The following RSBN1L variants were observed in gnomAD, a reference collection of about 807,000 sequenced individuals.
RSBN1L encodes lysine-specific demethylase RSBN1L.
RSBN1L carries 30 observed loss-of-function variants against 67.7 expected under a neutral mutation model. The observed-to-expected ratio is 0.44, with a 90% CI of 0.33 to 0.60. The LOEUF (loss-of-function observed/expected upper bound fraction) is 0.60. Among genes scored for constraint, RSBN1L ranks in the 20% least tolerant of loss-of-function variants. The pLI is 0.02. For synonymous variants in RSBN1L, 433 were observed against 387.0 expected (o/e 1.12, Z -1.39); for missense variants, 992 against 1,031.7 (o/e 0.96, Z 0.53).
At chr7:77,757,921 C>T (rs536268040) in intron 3 of RSBN1L, among the ~76,000 whole-genome samples, 1 of 152,114 alleles carries the variant, frequency 6.6e-6, no homozygotes, top group East Asian at 1.9e-4. Flanking sequence ...AACCCAGATT[C>T]GTGTGGAAAA....
At position 77,727,751 on chromosome 7, in the gene RSBN1L, C is replaced by G. The variant is rs1791225945; in HGVS notation, c.587-8659C>G. 3.9e-5 allele frequency among the ~76,000 whole-genome samples: 6 copies of G among 152,196 alleles called. No individual in the cohort carries two copies. The South Asian group carries it at 8.3e-4, about 21-fold the overall frequency. Reference sequence around the variant, plus strand: ...AGAGTGTTTGGATTACAGGTGTAAGCCGCTGAGCCTGGCCAGAATGACCAC... The same window carrying G: ...AGAGTGTTTGGATTACAGGTGTAAGGCGCTGAGCCTGGCCAGAATGACCAC... On this transcript the variant is annotated intron_variant, in intron 1 of 7. Transcript: ENST00000334955.
In RSBN1L at chr7:77,747,331, A is replaced by C. The variant is rs1277562296; in HGVS notation, c.704-2093A>C. Among the ~76,000 whole-genome samples the C allele has an allele frequency of 2.0e-5, 3 of 152,202 alleles. No individual in the cohort carries two copies. In the East Asian group the frequency reaches 5.8e-4, roughly 29 times the overall value. The stretch of plus-strand genomic sequence containing the variant: ...CTGCTAATAGACTAGACAATGGGGG[A>C]AAGTCCTAGAAGGCATTTCAGAGAA... On this transcript the variant is annotated intron_variant, in intron 2 of 7. Transcript: ENST00000334955.
In RSBN1L at chr7:77,781,972, C is replaced by CTAAA. The variant is rs1792005468; in HGVS notation, c.*2804_*2805insTAAA. 1 of 78,058 alleles carries CTAAA rather than the reference C, an allele frequency of 1.3e-5. No individual in the cohort carries two copies. Among genetic ancestry groups the CTAAA allele is most frequent in the Non-Finnish European group, 2.5e-5 (1 of 40,756 alleles). The allele number at this position is 78,058 out of a possible 1,614,324, so 4.8% of individuals were successfully genotyped here. ...TGCCCTCCAGCCTGGGCGACAGTCT[C>CTAAA]AAAAAAAAAAAAAAAAAAAAGCATA... On this transcript the variant is annotated 3_prime_UTR_variant, in exon 8 of 8. Coordinates refer to ENST00000334955, the MANE Select transcript of RSBN1L (RefSeq NM_198467.3).
intron 1 of RSBN1L, among the ~76,000 whole-genome samples, chr7:77,704,111 C>T (rs758075687): frequency 2.3e-4 from 35 of 152,146 alleles, no homozygotes; most frequent in Admixed American, 4.6e-4. Context: ...TCATACCTAA[C>T]GCATTGGAGA....
rs1263729304 is a variant in RSBN1L, at chr7:77,782,716, A to T, written c.*3548A>T. On this transcript the variant is annotated 3_prime_UTR_variant, in exon 8 of 8. Coordinates refer to ENST00000334955, the MANE Select transcript of RSBN1L (RefSeq NM_198467.3). ...TTAATGCATTCTGTAACTTTTCTCG[A>T]GTGGTGGTCATTGAGGGTAGGGAAG... 6.6e-6 allele frequency: 1 copy of T among 151,876 alleles called. No homozygotes were observed. Among genetic ancestry groups the T allele is most frequent in the Non-Finnish European group, 1.5e-5 (1 of 67,932 alleles). 9.4% of individuals were successfully genotyped at this position (151,876 alleles called of 1,614,324 possible). A position where few individuals can be genotyped will look rare whatever the true frequency, so the allele number is the denominator to read the frequency against.
intron 1 of RSBN1L, among the ~76,000 whole-genome samples, chr7:77,713,949 C>T (rs907752647): frequency 7.9e-5 from 12 of 152,144 alleles, no homozygotes; most frequent in African/African-American, 2.9e-4. Flanking sequence ...AATTAGGAAT[C>T]CAAATTAATT....
chr7:77,769,864 C>A (rs1441150047), intron 5 of RSBN1L, among the ~76,000 whole-genome samples: 1 of 152,088 alleles, frequency 6.6e-6, no homozygotes, highest in Non-Finnish European at 1.5e-5. Context: ...ATATTGTTGA[C>A]TGGAGGATGA....
rs1374077868 is a variant in RSBN1L, at chr7:77,768,704, G to A, written c.1526G>A (p.Ser509Asn). ...ACGCTATCTAGTCTAAAATTACAGA[G>A]TCGAAAAGATAGTGATGATGGTCCC... ...WGTLSSLKLQ[S>N]RKDSDDGPIM... The change falls in exon 5 of 8, where the codon AGT (serine) becomes AAT (asparagine). Residue 509 changes from serine to asparagine, a missense_variant. Coordinates refer to ENST00000334955, the MANE Select transcript of RSBN1L (RefSeq NM_198467.3). 4 of 1,613,710 alleles carry A rather than the reference G, an allele frequency of 2.5e-6. No individual in the cohort carries two copies. Among genetic ancestry groups the A allele is most frequent in the Admixed American group, 1.7e-5 (1 of 59,992 alleles).
chr7:77,722,621 A>G (rs781608330), intron 1 of RSBN1L, among the ~76,000 whole-genome samples: 1 of 151,680 alleles, frequency 6.6e-6, no homozygotes, highest in Non-Finnish European at 1.5e-5. Flanking sequence ...TTCAATTTTT[A>G]TTTTAGTGTA....
intron 1 of RSBN1L, among the ~76,000 whole-genome samples, chr7:77,712,702 A>T (rs1790991655): frequency 6.6e-6 from 1 of 152,166 alleles, no homozygotes; most frequent in Admixed American, 6.6e-5. Flanking sequence ...TATCAATTTT[A>T]ATTGCTTACC....
rs574772575 is a variant in RSBN1L, at chr7:77,723,317, A to T, written c.587-13093A>T. 3.9e-5 allele frequency among the ~76,000 whole-genome samples: 6 copies of T among 152,240 alleles called. No individual in the cohort carries two copies. In the East Asian group the frequency reaches 9.7e-4, roughly 25 times the overall value. On this transcript the variant is annotated intron_variant, in intron 1 of 7. Transcript: ENST00000334955. ...GATTTTTATGATGCTGTAATTTCTT[A>T]AAAAAATTAATGAACCTATATAAAG...
At chr7:77,756,736 C>G (rs2150428306) in intron 3 of RSBN1L, among the ~76,000 whole-genome samples, 1 of 152,254 alleles carries the variant, frequency 6.6e-6, no homozygotes, top group African/African-American at 2.4e-5. Flanking sequence ...CGAGATTGCG[C>G]CACTGTACTT....
intron 1 of RSBN1L, among the ~76,000 whole-genome samples, chr7:77,716,134 A>G (rs988447924): frequency 1.3e-5 from 2 of 152,008 alleles, no homozygotes; most frequent in Admixed American, 6.6e-5. Context: ...TATGGTTTGC[A>G]TCTTTTGTTT....
intron 1 of RSBN1L, among the ~76,000 whole-genome samples, chr7:77,724,499 C>T (rs1172223961): frequency 1.4e-5 from 2 of 146,338 alleles, no homozygotes. Flanking sequence ...GCTCTTGGTT[C>T]ACTGCAACCT....
At chr7:77,727,896 T>A in intron 1 of RSBN1L, among the ~76,000 whole-genome samples, 1 of 152,246 alleles carries the variant, frequency 6.6e-6, no homozygotes. Context: ...GATCCTTTTA[T>A]ATGGCTTTCT....
intron 1 of RSBN1L, among the ~76,000 whole-genome samples, chr7:77,718,650 C>G (rs937728446): frequency 2.0e-5 from 3 of 152,074 alleles, no homozygotes; most frequent in Non-Finnish European, 4.4e-5. Flanking sequence ...CAGTGCATGT[C>G]TTGTATATAC....
In RSBN1L at chr7:77,765,366, A is replaced by T. The variant is rs935644399; in HGVS notation, c.1345-129A>T. On this transcript the variant is annotated intron_variant, in intron 3 of 7. Coordinates refer to ENST00000334955, the MANE Select transcript of RSBN1L (RefSeq NM_198467.3). The stretch of plus-strand genomic sequence containing the variant: ...TTTGCTTGCCTCATTATGATATAAT[A>T]TTCTGAGATAATAATTTATTGCTAC... 8.3e-6 allele frequency: 6 copies of T among 723,796 alleles called. No homozygotes were observed. The African/African-American group carries it at 9.0e-5, about 11-fold the overall frequency. 44.8% of individuals were successfully genotyped at this position (723,796 alleles called of 1,614,324 possible). A position where few individuals can be genotyped will look rare whatever the true frequency, so the allele number is the denominator to read the frequency against.
intron 3 of RSBN1L, among the ~76,000 whole-genome samples, chr7:77,762,952 A>G (rs1029988081): frequency 3.9e-5 from 6 of 152,130 alleles, no homozygotes; most frequent in African/African-American, 1.4e-4. Flanking sequence ...TCCCCTCCGC[A>G]CAAGATAAAC....
intron 1 of RSBN1L, among the ~76,000 whole-genome samples, chr7:77,710,088 C>CT (rs1484451873): frequency 6.6e-6 from 1 of 152,250 alleles, no homozygotes; most frequent in East Asian, 1.9e-4. Context: ...TTTGCTCTGT[C>CT]TTTTCTACTA....
Sources: gnomAD v4.1 joint callset for allele counts (sites outside exome capture counted in the v4.1 genomes callset) on GRCh38, gnomAD v4.1.1 for gene constraint, MANE v1.5 for transcripts, NCBI Gene and HGNC (gene_info 2026-07-23, HGNC 2026-07-21) for gene names.